TMEM87B: variants seen among roughly 807,000 people sequenced by gnomAD.
The protein encoded by TMEM87B is transmembrane protein 87B.
A neutral mutation model predicts 80.3 loss-of-function variants in TMEM87B; 83 were observed. The ratio of observed to expected loss-of-function variants is 1.03; its 90% CI spans 0.87 to 1.24. The LOEUF is 1.24. Ranked by LOEUF, TMEM87B falls within the 50% of genes most tolerant of loss-of-function variation. The pLI is 0.00. For synonymous variants in TMEM87B, 219 were observed against 230.5 expected, an observed-to-expected ratio of 0.95 and a Z score of 0.45; for missense variants, 625 against 674.4, an observed-to-expected ratio of 0.93 and a Z score of 0.81.
At chr2:112,064,074 C>T (rs1392103467) in intron 2 of TMEM87B, 88 bp from the exon 3 acceptor site, 5 of 1,081,760 alleles carry the variant, frequency 4.6e-6, no homozygotes, top group East Asian at 2.4e-5. Context: ...TTAAAGTAGC[C>T]TATTTTTAAT....
chr2:112,081,369 A>G lies in TMEM87B; in HGVS notation c.689A>G (p.Tyr230Cys), dbSNP rs201117984. The G allele has an allele frequency of 1.0e-4, 162 of 1,612,304 alleles. 1 individual carries two copies. The Admixed American group carries it at 1.1e-3, about 11-fold the overall frequency. ...GTGATGTGTATTGTTTATATATTAT[A>G]TGGCATACTCTGGCTGACGTGGTCT... Reference protein sequence around the residue: ...YMVMCIVYILYGILWLTWSAC... With the variant: ...YMVMCIVYILCGILWLTWSAC... The change falls in exon 8 of 19, where the codon TAT becomes TGT. Residue 230 changes from tyrosine (Y) to cysteine (C), a missense_variant. Physicochemically the swap from Tyr to Cys is radical, Grantham distance 194. Transcript: ENST00000283206.
chr2:112,103,031 A>G (rs976521343), intron 15 of TMEM87B, among the ~76,000 whole-genome samples: 2 of 152,234 alleles, frequency 1.3e-5, no homozygotes, highest in Non-Finnish European at 2.9e-5. Context: ...GTTTATTCGC[A>G]GGCAACATGG....
intron 15 of TMEM87B, among the ~76,000 whole-genome samples, chr2:112,105,210 G>GAATGTCCC (rs1679733225): frequency 6.6e-6 from 1 of 152,074 alleles, no homozygotes; most frequent in Admixed American, 6.5e-5. Context: ...TTGGGGTTTT[G>GAATGTCCC]AATGTCCCAG....
chr2:112,112,235 A>G lies in TMEM87B; in HGVS notation c.1578-664A>G, dbSNP rs1028997739. Among the ~76,000 whole-genome samples the G allele has an allele frequency of 8.5e-5, 13 of 152,132 alleles. 1 individual carries two copies. The highest frequency in any genetic ancestry group is 7.2e-4 in the Admixed American group (11 of 15,280). On this transcript the variant is annotated intron_variant, in intron 17 of 18. Transcript: ENST00000283206. ...ATTGAGGCTAGATTAAACTTACTTA[A>G]CATTTGTTACATTCGTCTTTTCTTT...
At chr2:112,109,925 C>G (rs2104507482) in intron 17 of TMEM87B, among the ~76,000 whole-genome samples, 1 of 152,028 alleles carries the variant, frequency 6.6e-6, no homozygotes, top group African/African-American at 2.4e-5. Flanking sequence ...CGCCACCACA[C>G]CCAGCTAATT....
rs778038996 is a variant in TMEM87B, at chr2:112,081,522, A to C, written c.838+4A>C. 36 of 1,600,418 alleles carry C rather than the reference A, an allele frequency of 2.2e-5. No homozygotes were observed. Among genetic ancestry groups the C allele is most frequent in the Non-Finnish European group, 3.0e-5 (35 of 1,175,576 alleles). ...ATCAGCAACACTGGACTGTCAAGTA[A>C]GTTTTGACTGTCTCTGTAAATATAG... On this transcript the variant is annotated splice_donor_region_variant and intron_variant, in intron 8 of 18. Coordinates refer to ENST00000283206, the MANE Select transcript of TMEM87B (RefSeq NM_032824.3).
At chr2:112,097,734 A>C (rs898166713) in intron 13 of TMEM87B, among the ~76,000 whole-genome samples, 2 of 151,572 alleles carry the variant, frequency 1.3e-5, no homozygotes, top group African/African-American at 4.8e-5. Flanking sequence ...AAAAAAAAAA[A>C]AAACTTTTAA....
intron 11 of TMEM87B, chr2:112,095,495 T>A: frequency 1.0e-6 from 1 of 956,634 alleles, no homozygotes; most frequent in Non-Finnish European, 1.2e-6. Context: ...TTAAAATTAT[T>A]AAACCAGACC....
At chr2:112,100,483 A>G in intron 14 of TMEM87B, 139 bp from the exon 15 acceptor site, 1 of 551,102 alleles carries the variant, frequency 1.8e-6, no homozygotes, top group South Asian at 2.7e-5. Flanking sequence ...ATTTGAAAGT[A>G]AAATAATTAC....
rs374409706 is a variant in TMEM87B at position 112,098,689 on chromosome 2, A to G, written c.1367A>G (p.Asn456Ser). 6.2e-7 allele frequency: 1 copy of G among 1,613,992 alleles called. No homozygotes were observed. The highest frequency in any genetic ancestry group is 8.5e-7 in the Non-Finnish European group (1 of 1,179,922). ...ATGTTTTTGTGGAGACCATCAGCAA[A>G]CAATCAGAGGTACCTAACATAGGAA... ...VIMFLWRPSA[N>S]NQRYAFMPLI... The change falls in exon 14 of 19, where the codon AAC becomes AGC. Residue 456 changes from asparagine (N) to serine (S), a missense_variant. Coordinates refer to ENST00000283206, the MANE Select transcript of TMEM87B (RefSeq NM_032824.3).
At position 112,055,351 on chromosome 2, in the gene TMEM87B, C is replaced by T; in HGVS notation, c.-241C>T. On this transcript the variant is annotated 5_prime_UTR_variant, in exon 1 of 19. Coordinates refer to ENST00000283206, the MANE Select transcript of TMEM87B (RefSeq NM_032824.3). Reference sequence around the variant, plus strand: ...CATCCTGGCTCCTATCTCTGCCTTCCAGGCATCTCCCAGCTGCACGCTCGG... The same window carrying T: ...CATCCTGGCTCCTATCTCTGCCTTCTAGGCATCTCCCAGCTGCACGCTCGG... The T allele has an allele frequency of 2.0e-6, 1 of 511,450 alleles. No individual in the cohort carries two copies. The highest frequency in any genetic ancestry group is 3.4e-6 in the Non-Finnish European group (1 of 294,650). The allele number at this position is 511,450 out of a possible 1,614,324, so 31.7% of individuals were successfully genotyped here.
chr2:112,096,155 C>G (rs551188179), intron 11 of TMEM87B, among the ~76,000 whole-genome samples: 34 of 152,302 alleles, frequency 2.2e-4, no homozygotes, highest in African/African-American at 8.2e-4. Flanking sequence ...AGTTCCCATT[C>G]CTTGCATCAC....
intron 4 of TMEM87B, among the ~76,000 whole-genome samples, chr2:112,069,143 G>A (rs113967017): frequency 7.2e-6 from 1 of 139,554 alleles, no homozygotes; most frequent in South Asian, 2.3e-4. Flanking sequence ...AGTGAGCCGA[G>A]ATTGCGCCAC....
At chr2:112,082,612 A>G (rs1225203995) in intron 8 of TMEM87B, among the ~76,000 whole-genome samples, 1 of 152,146 alleles carries the variant, frequency 6.6e-6, no homozygotes, top group African/African-American at 2.4e-5. Flanking sequence ...ACAAACATCC[A>G]GGATGCATAT....
chr2:112,060,063 C>T (rs756465528), intron 2 of TMEM87B, 26 bp downstream of exon 2: 1 of 1,511,492 alleles, frequency 6.6e-7, no homozygotes, highest in Non-Finnish European at 8.9e-7. Flanking sequence ...CAATAAAATA[C>T]TAGACTGGGC....
intron 4 of TMEM87B, among the ~76,000 whole-genome samples, chr2:112,071,309 C>T (rs1678626784): frequency 7.3e-6 from 1 of 137,134 alleles, no homozygotes; most frequent in Admixed American, 7.3e-5. Flanking sequence ...CCCCCCCGCC[C>T]CCCCGCCGCC....
chr2:112,082,671 T>TGC (rs1553466085), intron 8 of TMEM87B, among the ~76,000 whole-genome samples: 2 of 151,622 alleles, frequency 1.3e-5, no homozygotes, highest in Admixed American at 6.6e-5. Context: ...TGTGTGTGTG[T>TGC]GTGTGCGTGT....
At chr2:112,075,051 G>C in intron 5 of TMEM87B, 89 bp downstream of exon 5, 1 of 1,477,118 alleles carries the variant, frequency 6.8e-7, no homozygotes, top group Non-Finnish European at 9.1e-7. Context: ...CTTAGAGAGT[G>C]ATATAAAGTA....
At chr2:112,068,772 C>G (rs1678520551) in intron 4 of TMEM87B, among the ~76,000 whole-genome samples, 1 of 152,170 alleles carries the variant, frequency 6.6e-6, no homozygotes, top group South Asian at 2.1e-4. Context: ...ATTTTAGCAC[C>G]TAGAACCCCC....
Sources: allele counts gnomAD v4.1 joint callset (sites outside exome capture counted in the v4.1 genomes callset), GRCh38; gene constraint gnomAD v4.1.1; transcripts MANE v1.5; gene names NCBI Gene and HGNC (gene_info 2026-07-23, HGNC 2026-07-21).